The following ZFR variants were observed in gnomAD, a reference collection of about 807,000 sequenced individuals.
The protein encoded by ZFR is zinc finger RNA binding protein.
Under a neutral mutation model 130.7 loss-of-function variants are expected in ZFR, and 19 were observed. That is an observed-to-expected ratio of 0.15 (90% CI 0.10 to 0.21). ZFR has a LOEUF of 0.21. Ranked by LOEUF, ZFR falls within the 10% of genes least tolerant of loss-of-function variation. ZFR has a pLI of 1.00. For synonymous variants in ZFR, 466 were observed against 456.9 expected (o/e 1.02, Z -0.25); for missense variants, 872 against 1,321.5 (o/e 0.66, Z 5.27).
At chr5:32,440,172 A>G (rs1754436769) in intron 2 of ZFR, among the ~76,000 whole-genome samples, 1 of 152,116 alleles carries the variant, frequency 6.6e-6, no homozygotes, top group Admixed American at 6.5e-5. Flanking sequence ...AAGGTACTCT[A>G]CTCTTAACAG....
intron 19 of ZFR, 75 bp downstream of exon 19, chr5:32,363,873 C>A: frequency 8.1e-7 from 1 of 1,235,470 alleles, no homozygotes; most frequent in Non-Finnish European, 1.1e-6. Flanking sequence ...TTATAATATT[C>A]CTTAAGACAA....
At chr5:32,375,755 C>T (rs566770351) in intron 17 of ZFR, among the ~76,000 whole-genome samples, 2 of 152,294 alleles carry the variant, frequency 1.3e-5, no homozygotes, top group African/African-American at 4.8e-5. Context: ...GATCCTCCTG[C>T]CTCGGGCCTC....
chr5:32,419,713 G>A (rs1561912712), intron 3 of ZFR, 108 bp downstream of exon 3: 2 of 1,482,824 alleles, frequency 1.3e-6, no homozygotes, highest in East Asian at 2.3e-5. Context: ...CAGTACATGT[G>A]TATTTTGGAA....
intron 2 of ZFR, among the ~76,000 whole-genome samples, chr5:32,423,322 CCT>C (rs1248081902): frequency 5.9e-5 from 9 of 151,670 alleles, no homozygotes; most frequent in South Asian, 2.1e-4. Context: ...GAGTGAGACC[CCT>C]GTCTCAAAAA....
At position 32,376,903 on chromosome 5, in the gene ZFR, C is replaced by T. The variant is rs57414898; in HGVS notation, c.2835+2212G>A. 8.3e-3 allele frequency among the ~76,000 whole-genome samples: 1,243 copies of T among 149,530 alleles called. 20 individuals carry two copies. Among genetic ancestry groups the T allele is most frequent in the African/African-American group, 0.029 (1,191 of 40,680 alleles). ...CGGAGGCAGGAGAATCGCTTGAACC[C>T]GGGAGGCAAAGGCTGCAGTGAGCTG... On this transcript the variant is annotated intron_variant, in intron 17 of 19. Transcript: ENST00000265069.
chr5:32,431,066 C>A (rs551624724), intron 2 of ZFR, among the ~76,000 whole-genome samples: 1 of 152,118 alleles, frequency 6.6e-6, no homozygotes, highest in African/African-American at 2.4e-5. Context: ...CACAGTGAGA[C>A]CCTGTCTCAA....
In ZFR at chr5:32,436,815, A is replaced by C. The variant is rs185673969; in HGVS notation, c.137+7414T>G. ...GAATCCTCGAAACAACACAATGGAG[A>C]ATGTAAAAACCTCCTGGGATACTGA... On this transcript the variant is annotated intron_variant, in intron 2 of 19. Coordinates refer to ENST00000265069, the MANE Select transcript of ZFR (RefSeq NM_016107.5). 4.3e-4 allele frequency among the ~76,000 whole-genome samples: 65 copies of C among 152,264 alleles called. 1 individual carries two copies. Among genetic ancestry groups the C allele is most frequent in the African/African-American group, 1.5e-3 (63 of 41,568 alleles).
chr5:32,390,954 A>G (rs1018879748), intron 11 of ZFR, among the ~76,000 whole-genome samples: 2 of 152,208 alleles, frequency 1.3e-5, no homozygotes, highest in African/African-American at 4.8e-5. Flanking sequence ...CTGGCTAGAG[A>G]TAACAGCTGC....
chr5:32,402,256 G>T (rs1369901810), intron 8 of ZFR, among the ~76,000 whole-genome samples: 1 of 152,266 alleles, frequency 6.6e-6, no homozygotes, highest in East Asian at 1.9e-4. Flanking sequence ...TGAGAAAGGG[G>T]TGGATGGACA....
intron 5 of ZFR, among the ~76,000 whole-genome samples, chr5:32,412,067 T>C (rs1363550425): frequency 6.6e-6 from 1 of 152,192 alleles, no homozygotes; most frequent in African/African-American, 2.4e-5. Context: ...ACTACCACTG[T>C]AGAAATTCAT....
At chr5:32,410,283 C>CAAAAAA (rs3065266) in intron 5 of ZFR, among the ~76,000 whole-genome samples, 7 of 113,162 alleles carry the variant, frequency 6.2e-5, no homozygotes, top group African/African-American at 1.7e-4. Context: ...ACACTGTCTC[C>CAAAAAA]AAAAAAAAAA....
chr5:32,437,563 T>C (rs1236170057), intron 2 of ZFR, among the ~76,000 whole-genome samples: 3 of 152,216 alleles, frequency 2.0e-5, no homozygotes, highest in African/African-American at 4.8e-5. Flanking sequence ...GGACAATTAA[T>C]AGTCAAGCAA....
At chr5:32,407,711 T>A (rs1242104534) in intron 5 of ZFR, among the ~76,000 whole-genome samples, 2 of 152,182 alleles carry the variant, frequency 1.3e-5, no homozygotes, top group African/African-American at 4.8e-5. Flanking sequence ...TTGGTTCTCA[T>A]CTTCCAAAAG....
chr5:32,409,023 G>A (rs1753642710), intron 5 of ZFR, among the ~76,000 whole-genome samples: 1 of 152,130 alleles, frequency 6.6e-6, no homozygotes, highest in Non-Finnish European at 1.5e-5. Context: ...GAGTTAGGGG[G>A]TCCTAAGTCT....
At chr5:32,376,891 A>C (rs556303026) in intron 17 of ZFR, among the ~76,000 whole-genome samples, 1 of 150,876 alleles carries the variant, frequency 6.6e-6, no homozygotes, top group Non-Finnish European at 1.5e-5. Flanking sequence ...AGGCAGGAGA[A>C]TCGCTTGAAC....
chr5:32,437,617 T>C (rs1341954620), intron 2 of ZFR, among the ~76,000 whole-genome samples: 3 of 152,158 alleles, frequency 2.0e-5, no homozygotes, highest in Non-Finnish European at 4.4e-5. Flanking sequence ...AATACTAACA[T>C]ACTTCATCAA....
At chr5:32,378,523 T>G (rs1387277957) in intron 17 of ZFR, among the ~76,000 whole-genome samples, 4 of 152,168 alleles carry the variant, frequency 2.6e-5, no homozygotes, top group African/African-American at 9.6e-5. Context: ...GAATCCTTGC[T>G]CTTCAGGAAT....
intron 6 of ZFR, 189 bp downstream of exon 6, chr5:32,406,585 G>A: frequency 1.4e-6 from 1 of 728,410 alleles, no homozygotes; most frequent in Non-Finnish European, 1.9e-6. Context: ...ATCATTTACA[G>A]TCACAATCAT....
At chr5:32,414,355 C>A (rs938493519) in intron 5 of ZFR, among the ~76,000 whole-genome samples, 1 of 152,178 alleles carries the variant, frequency 6.6e-6, no homozygotes, top group African/African-American at 2.4e-5. Context: ...ATCTTAATCA[C>A]TGTGAAAATG....
Sources: allele counts gnomAD v4.1 joint callset (sites outside exome capture counted in the v4.1 genomes callset), GRCh38; gene constraint gnomAD v4.1.1; transcripts MANE v1.5; gene names NCBI Gene and HGNC (gene_info 2026-07-23, HGNC 2026-07-21).